Variants in C2CD2L observed in about 807,000 individuals in gnomAD.
C2CD2L encodes phospholipid transfer protein C2CD2L.
In C2CD2L, 24 loss-of-function variants were observed where a neutral mutation model predicts 69.9. The ratio of observed to expected loss-of-function variants is 0.34; its 90% CI spans 0.25 to 0.48. C2CD2L has a LOEUF of 0.48. C2CD2L is among the 20% of genes least tolerant of loss of function. The probability of loss-of-function intolerance (pLI) is 0.99; values close to 1 mark genes in which losing one functional copy is unlikely to be tolerated. For missense variants in C2CD2L, 811 were observed against 941.5 expected (o/e 0.86, Z 1.81); for synonymous variants, 367 against 391.0 (o/e 0.94, Z 0.72).
rs1040859215 is a variant in C2CD2L, at chr11:119,107,418, C to T, written c.-324C>T. The T allele has an allele frequency of 2.6e-5, 6 of 233,500 alleles. No individual in the cohort carries two copies. In the Admixed American group the frequency reaches 3.4e-4, roughly 13 times the overall value. 14.5% of individuals were successfully genotyped at this position (233,500 alleles called of 1,614,324 possible). On this transcript the variant is annotated 5_prime_UTR_variant, in exon 1 of 14. Transcript: ENST00000648610. The surrounding 1 kb of genome is among the most constrained non-coding windows in gnomAD (Gnocchi z 5.4). ...CGGCCCGCGAGCCCCAGCGTCTCTG[C>T]AGACCAGTCCCCTCCAGGGTCCGGC... is the stretch of plus-strand genomic sequence containing the variant.
Position 119,113,871 on chromosome 11 carries a change from C to A in C2CD2L, c.1506C>A (p.Ser502=). The A allele has an allele frequency of 6.2e-7, 1 of 1,614,154 alleles. No individual in the cohort carries two copies. Among genetic ancestry groups the A allele is most frequent in the Non-Finnish European group, 8.5e-7 (1 of 1,179,996 alleles). The change falls in exon 12 of 14, where the codon TCC becomes TCA. Residue 502 remains serine (S), a synonymous_variant. Transcript: ENST00000648610. The part of the protein sequence containing the change: ...SHSSSRDSHL[S]NGLDPVAETA... Reference sequence around the variant, plus strand: ...CCCTAGCAGGGGACAGCCACCTTTCCAACGGCTTGGACCCTGTAGCAGAGA... The same window carrying A: ...CCCTAGCAGGGGACAGCCACCTTTCAAACGGCTTGGACCCTGTAGCAGAGA...
chr11:119,107,683 G>T lies in C2CD2L; in HGVS notation c.-59G>T. The T allele has an allele frequency of 8.6e-7, 1 of 1,156,080 alleles. No homozygotes were observed. Among genetic ancestry groups the T allele is most frequent in the Non-Finnish European group, 1.1e-6 (1 of 882,218 alleles). The allele number at this position is 1,156,080 out of a possible 1,614,324, so 71.6% of individuals were successfully genotyped here. Reference sequence around the variant, plus strand: ...CCTCCCCGCGGCCCGCCCGGGCCATGCTCCCCCGGGGCAGCGGGTGAGCCC... The same window carrying T: ...CCTCCCCGCGGCCCGCCCGGGCCATTCTCCCCCGGGGCAGCGGGTGAGCCC... On this transcript the variant is annotated 5_prime_UTR_variant, in exon 1 of 14. An upstream start codon of the reference 5' UTR is lost. Coordinates refer to ENST00000648610, the MANE Select transcript of C2CD2L (RefSeq NM_001290474.2). The surrounding 1 kb of genome is among the most constrained non-coding windows in gnomAD (Gnocchi z 5.4).
intron 7 of C2CD2L, chr11:119,111,916 G>T: frequency 2.2e-6 from 1 of 455,064 alleles, no homozygotes; most frequent in East Asian, 4.1e-5. Context: ...TAGGTGGGGG[G>T]GAGATTAATT....
upstream of C2CD2L, among the ~76,000 whole-genome samples, chr11:119,104,236 T>C (rs1162429145): frequency 1.3e-5 from 2 of 152,192 alleles, no homozygotes; most frequent in African/African-American, 4.8e-5. Flanking sequence ...ATGACGAGTA[T>C]ACTGAGACTC....
At chr11:119,113,366 C>T (rs145214028) in intron 10 of C2CD2L, 9,112 of 538,182 alleles carry the variant, frequency 0.017, 117 homozygotes, top group Non-Finnish European at 0.023. Context: ...CCTCTGTCCC[C>T]GCTCCATATT....
chr11:119,112,132 GA>G (rs1946759203), intron 7 of C2CD2L, 195 bp from the exon 8 acceptor site: 1 of 586,482 alleles, frequency 1.7e-6, no homozygotes, highest in African/African-American at 1.9e-5. Context: ...GCATAGCTGA[GA>G]AGCATGGTTT....
chr11:119,116,602 A>G lies in C2CD2L; in HGVS notation c.*346A>G. The G allele has an allele frequency of 2.5e-6, 1 of 395,544 alleles. No homozygotes were observed. The highest frequency in any genetic ancestry group is 4.7e-6 in the Non-Finnish European group (1 of 214,800). The allele number at this position is 395,544 out of a possible 1,614,324, so 24.5% of individuals were successfully genotyped here. A position where few individuals can be genotyped will look rare whatever the true frequency, so the allele number is the denominator to read the frequency against. ...CTCTTCAGCTGACCCTTCTTCCCTTATTTATTCTCTTTTCTATTTATATGT... is the reference window on the plus strand; with the variant it reads ...CTCTTCAGCTGACCCTTCTTCCCTTGTTTATTCTCTTTTCTATTTATATGT... On this transcript the variant is annotated 3_prime_UTR_variant, in exon 14 of 14. Transcript: ENST00000648610.
upstream of C2CD2L, among the ~76,000 whole-genome samples, chr11:119,105,922 T>C (rs1210292166): frequency 1.3e-5 from 2 of 152,208 alleles, no homozygotes; most frequent in East Asian, 3.8e-4. Flanking sequence ...CCCTAGCTGC[T>C]CTTCCCACTG....
rs771583257 is a variant in C2CD2L, at chr11:119,114,384, G to T, written c.1909+19G>T. The T allele has an allele frequency of 1.9e-6, 3 of 1,612,290 alleles. No individual in the cohort carries two copies. Among genetic ancestry groups the T allele is most frequent in the Non-Finnish European group, 8.5e-7 (1 of 1,179,026 alleles). ...CACAAAGGTAGGGGGACGTTGGCAG[G>T]GTGCCCCTCATCTCTTCTTTTATAC... On this transcript the variant is annotated intron_variant, in intron 13 of 13. Transcript: ENST00000648610. The surrounding 1 kb of genome is among the most constrained non-coding windows in gnomAD (Gnocchi z 5.1).
At chr11:119,106,891 C>G (rs1946601835), upstream of C2CD2L, 1 of 152,264 alleles carries the variant, frequency 6.6e-6, no homozygotes, top group Non-Finnish European at 1.5e-5. Context: ...TCTGCTTTCT[C>G]TCTGTTGACA....
At chr11:119,115,833 G>T in intron 13 of C2CD2L, 1 of 596,244 alleles carries the variant, frequency 1.7e-6, no homozygotes, top group Non-Finnish European at 3.0e-6. Flanking sequence ...TAAAGCACAT[G>T]TTTGTTTCTG....
rs118128079 is a variant in C2CD2L, at chr11:119,109,582, C to T, written c.355-522C>T. ...ATGAAGCATCATACTCTTGAAGCCTCCACATCTTATTTATTTGGAAGAAGG... is the reference window on the plus strand; with the variant it reads ...ATGAAGCATCATACTCTTGAAGCCTTCACATCTTATTTATTTGGAAGAAGG... On this transcript the variant is annotated intron_variant, in intron 1 of 13. Transcript: ENST00000648610. The surrounding 1 kb of genome is among the most constrained non-coding windows in gnomAD (Gnocchi z 5.1). 5.1e-4 allele frequency among the ~76,000 whole-genome samples: 78 copies of T among 152,296 alleles called. No homozygotes were observed. The East Asian group carries it at 8.1e-3, about 16-fold the overall frequency.
intron 10 of C2CD2L, 156 bp from the exon 11 acceptor site, chr11:119,113,455 G>A (rs146437700): frequency 8.6e-7 from 1 of 1,169,496 alleles, no homozygotes; most frequent in Non-Finnish European, 1.2e-6. Flanking sequence ...GTGTCTTTTA[G>A]TCCCCACGGC....
At position 119,111,363 on chromosome 11, in the gene C2CD2L, A is replaced by G. The variant is rs748325593; in HGVS notation, c.899A>G (p.Asn300Ser). The change falls in exon 6 of 14, where the codon AAT becomes AGT. Residue 300 changes from asparagine (N) to serine (S), a missense_variant. Coordinates refer to ENST00000648610, the MANE Select transcript of C2CD2L (RefSeq NM_001290474.2). ...LRQLRASHLGNELEGTEELCC... is the reference protein window; with the variant it reads ...LRQLRASHLGSELEGTEELCC... ...CAGCTTCGGGCATCTCACTTGGGAAATGAGCTGGAAGGTGAGAGCTGGAAG... is the reference window on the plus strand; with the variant it reads ...CAGCTTCGGGCATCTCACTTGGGAAGTGAGCTGGAAGGTGAGAGCTGGAAG... The G allele has an allele frequency of 6.2e-7, 1 of 1,614,160 alleles. No homozygotes were observed.
intron 1 of C2CD2L, chr11:119,108,298 G>C: frequency 1.9e-6 from 1 of 517,114 alleles, no homozygotes; most frequent in Non-Finnish European, 3.4e-6. Context: ...TTCCATTTCT[G>C]TGGGCAAGGT....
chr11:119,113,306 A>T, intron 10 of C2CD2L: 1 of 394,456 alleles, frequency 2.5e-6, no homozygotes, highest in East Asian at 4.5e-5. Flanking sequence ...CACTTCTGCC[A>T]TTATAGGGGC....
rs1269437142 is a variant in C2CD2L at position 119,117,954 on chromosome 11, A to C, written c.*1698A>C. 6.6e-6 allele frequency: 1 copy of C among 152,186 alleles called. No homozygotes were observed. Among genetic ancestry groups the C allele is most frequent in the Non-Finnish European group, 1.5e-5 (1 of 68,040 alleles). 9.4% of individuals were successfully genotyped at this position (152,186 alleles called of 1,614,324 possible). A position where few individuals can be genotyped will look rare whatever the true frequency, so the allele number is the denominator to read the frequency against. On this transcript the variant is annotated 3_prime_UTR_variant, in exon 14 of 14. Coordinates refer to ENST00000648610, the MANE Select transcript of C2CD2L (RefSeq NM_001290474.2). ...GACATTCTATGACTACCTATATCTC[A>C]GGGTGTTTAGGGCACATGCCTTTGG...
Position 119,112,811 on chromosome 11 carries a change from G to C in C2CD2L, c.1324G>C (p.Asp442His). The change falls in exon 10 of 14, where the codon GAT becomes CAT. Residue 442 changes from aspartate (D) to histidine (H), a missense_variant. Transcript: ENST00000648610. Reference sequence around the variant, plus strand: ...TGAGCTTGACCGGACCATCATGCCCGATGGCACCATTGTCACCACAGTCAC... The same window carrying C: ...TGAGCTTGACCGGACCATCATGCCCCATGGCACCATTGTCACCACAGTCAC... Reference protein sequence around the residue: ...KIELDRTIMPDGTIVTTVTTV... With the variant: ...KIELDRTIMPHGTIVTTVTTV... The C allele has an allele frequency of 1.9e-6, 3 of 1,614,028 alleles. No homozygotes were observed. Among genetic ancestry groups the C allele is most frequent in the Non-Finnish European group, 1.7e-6 (2 of 1,179,952 alleles).
At chr11:119,103,411 G>A (rs565669), upstream of C2CD2L, among the ~76,000 whole-genome samples, 8,547 of 152,274 alleles carry the variant, frequency 0.056, 350 homozygotes, top group Non-Finnish European at 0.083. Context: ...AAAATCAGAT[G>A]TGAGGCCGGG....
Sources: allele counts gnomAD v4.1 joint callset (sites outside exome capture counted in the v4.1 genomes callset), GRCh38; gene constraint gnomAD v4.1.1; non-coding constraint Gnocchi (gnomAD v3.1); transcripts MANE v1.5; gene names NCBI Gene and HGNC (gene_info 2026-07-23, HGNC 2026-07-21).